The following ERCC6L2 variants were observed in gnomAD, a reference collection of about 807,000 sequenced individuals.
ERCC6L2 encodes ERCC excision repair 6 like 2.
A neutral mutation model predicts 132.0 loss-of-function variants in ERCC6L2; 77 were observed. The ratio of observed to expected loss-of-function variants is 0.58; its 90% CI spans 0.49 to 0.71. ERCC6L2 has a LOEUF of 0.71. Among genes scored for constraint, ERCC6L2 ranks in the 30% least tolerant of loss-of-function variants. The pLI is 0.00. For synonymous variants in ERCC6L2, 583 were observed against 632.4 expected (o/e 0.92, Z 1.17); for missense variants, 1,542 against 1,837.6 (o/e 0.84, Z 2.94).
chr9:95,988,954 G>A (rs894207178), intron 17 of ERCC6L2, among the ~76,000 whole-genome samples: 1 of 152,168 alleles, frequency 6.6e-6, no homozygotes, highest in African/African-American at 2.4e-5. Flanking sequence ...CCTGGGGCTT[G>A]TTTAATTTGC....
intron 4 of ERCC6L2, among the ~76,000 whole-genome samples, chr9:95,912,536 AT>A (rs1171269081): frequency 1.3e-5 from 2 of 152,194 alleles, no homozygotes; most frequent in Non-Finnish European, 2.9e-5. Flanking sequence ...ATCCCTAAGT[AT>A]TTTAGCATGG....
intron 12 of ERCC6L2, among the ~76,000 whole-genome samples, chr9:95,949,614 G>A (rs372953060): frequency 5.3e-5 from 8 of 152,128 alleles, no homozygotes; most frequent in East Asian, 3.8e-4. Flanking sequence ...AGTGTTTACC[G>A]AGAATTTTAT....
At chr9:95,930,653 C>T (rs1229144192) in intron 11 of ERCC6L2, among the ~76,000 whole-genome samples, 1 of 152,120 alleles carries the variant, frequency 6.6e-6, no homozygotes, top group Non-Finnish European at 1.5e-5. Context: ...CTATAAACTA[C>T]TTTTGTAACT....
intron 17 of ERCC6L2, among the ~76,000 whole-genome samples, chr9:95,999,470 G>A (rs1464485644): frequency 2.0e-5 from 3 of 152,176 alleles, no homozygotes; most frequent in Non-Finnish European, 2.9e-5. Flanking sequence ...GGTTGCAAAA[G>A]CTGAATTTTC....
intron 3 of ERCC6L2, among the ~76,000 whole-genome samples, chr9:95,898,364 C>T (rs971901777): frequency 4.6e-5 from 7 of 152,010 alleles, no homozygotes; most frequent in African/African-American, 1.7e-4. Context: ...ATATTGGTAA[C>T]AAAAGTGCGT....
Position 95,916,336 on chromosome 9 carries a change from C to T in ERCC6L2, c.1060C>T (p.Arg354Ter), listed in dbSNP as rs748275173. The change falls in exon 6 of 19, where the codon CGA (arginine) becomes TGA (stop). Residue 354 changes from arginine (R) to a stop codon, truncating the protein, a stop_gained. Coordinates refer to ENST00000653738, the MANE Select transcript of ERCC6L2 (RefSeq NM_020207.7). LOFTEE classifies it high-confidence loss of function. ...AACAAAGAGAGAACTAGCCACTGGCCGAAAGGCCATGCAAAGACTTGCCAA... is the reference window on the plus strand; with the variant it reads ...AACAAAGAGAGAACTAGCCACTGGCTGAAAGGCCATGCAAAGACTTGCCAA... ...TATKRELATG[R>*]KAMQRLAKKM... is the part of the protein sequence containing the mutation. 6 of 1,613,624 alleles carry T rather than the reference C, an allele frequency of 3.7e-6. No individual in the cohort carries two copies. Among genetic ancestry groups the T allele is most frequent in the Admixed American group, 3.3e-5 (2 of 59,910 alleles).
intron 19 of ERCC6L2, among the ~76,000 whole-genome samples, chr9:96,035,275 G>C (rs1194835231): frequency 6.6e-6 from 1 of 152,176 alleles, no homozygotes; most frequent in Non-Finnish European, 1.5e-5. Context: ...GGGAATGCCT[G>C]AAGGCTAGGG....
chr9:95,908,519 G>A (rs888354163), intron 4 of ERCC6L2, among the ~76,000 whole-genome samples: 3 of 152,190 alleles, frequency 2.0e-5, no homozygotes, highest in African/African-American at 7.2e-5. Context: ...GCCATCCAGT[G>A]TGTGGTATTT....
chr9:95,954,780 C>T (rs1256541155), intron 12 of ERCC6L2: 2 of 471,006 alleles, frequency 4.2e-6, no homozygotes, highest in Admixed American at 4.7e-5. Flanking sequence ...CTCCTCTGCT[C>T]CTGGGTTGCA....
chr9:96,002,608 A>G (rs1031368299), intron 17 of ERCC6L2, among the ~76,000 whole-genome samples: 35 of 151,728 alleles, frequency 2.3e-4, no homozygotes, highest in Admixed American at 1.8e-3. Context: ...TTTTTTTTGT[A>G]GAGAAAAGGT....
chr9:95,968,226 A>G (rs150953610), intron 14 of ERCC6L2: 144 of 152,340 alleles, frequency 9.5e-4, no homozygotes, highest in African/African-American at 3.4e-3. Context: ...TATTAATGAC[A>G]GGACCATCCA....
At position 96,034,046 on chromosome 9, in the gene ERCC6L2, G is replaced by A. The variant is rs564731387; in HGVS notation, c.*1504-4830G>A. ...GAGCCCCGCTGCTCTCCGGTCACTG[G>A]GAAACCCATCAGAAACCTGGCCATT... On this transcript the variant is annotated intron_variant and NMD_transcript_variant, in intron 19 of 20. Coordinates refer to the ERCC6L2 transcript ENST00000670016. Among the ~76,000 whole-genome samples, 18 of 152,340 alleles carry A rather than the reference G, an allele frequency of 1.2e-4. No individual in the cohort carries two copies. In the South Asian group the frequency reaches 3.7e-3, roughly 32 times the overall value.
chr9:95,901,387 T>C (rs150759132), intron 3 of ERCC6L2, among the ~76,000 whole-genome samples: 1 of 152,294 alleles, frequency 6.6e-6, no homozygotes, highest in Non-Finnish European at 1.5e-5. Context: ...AGAAAATATA[T>C]ATACAGTGCT....
chr9:96,014,844 G>A lies in ERCC6L2; in HGVS notation c.*1641G>A, dbSNP rs1345789574. On this transcript the variant is annotated 3_prime_UTR_variant, in exon 19 of 19. Transcript: ENST00000653738. ...GCATGATATGGTCCTTGATAGACTT[G>A]ACTTGTAGATGTTTTCAGCCTACAA... Among the ~76,000 whole-genome samples, 1 of 152,084 alleles carries A rather than the reference G, an allele frequency of 6.6e-6. No homozygotes were observed. The highest frequency in any genetic ancestry group is 1.5e-5 in the Non-Finnish European group (1 of 68,024).
intron 17 of ERCC6L2, among the ~76,000 whole-genome samples, chr9:95,993,764 T>C (rs930060759): frequency 6.6e-6 from 1 of 152,206 alleles, no homozygotes; most frequent in Non-Finnish European, 1.5e-5. Flanking sequence ...AAAAAGAGTT[T>C]AGCTGGATAA....
intron 2 of ERCC6L2, among the ~76,000 whole-genome samples, chr9:95,897,533 C>A (rs74646218): frequency 0.03 from 4,606 of 151,996 alleles, 94 homozygotes; most frequent in East Asian, 0.13. Flanking sequence ...ATAGAGGATA[C>A]GAAGAGATAG....
downstream of ERCC6L2, chr9:96,021,429 G>A (rs1834287394): frequency 1.7e-5 from 4 of 234,574 alleles, no homozygotes; most frequent in South Asian, 2.1e-4. This position sits in a 1 kb window ranked among gnomAD's most constrained non-coding sequence, Gnocchi z 4.7. Flanking sequence ...TGCTTCCCGC[G>A]GGGAGAGAAG....
At chr9:95,880,565 A>G (rs1827535836) in intron 1 of ERCC6L2, among the ~76,000 whole-genome samples, 1 of 152,198 alleles carries the variant, frequency 6.6e-6, no homozygotes, top group African/African-American at 2.4e-5. Flanking sequence ...ACCCCTATCC[A>G]CTGAATAAGA....
rs565658130 is a variant in ERCC6L2 at position 95,980,922 on chromosome 9, G to A, written c.3492+2707G>A. 3.3e-5 allele frequency among the ~76,000 whole-genome samples: 5 copies of A among 152,130 alleles called. No homozygotes were observed. In the South Asian group the frequency reaches 6.2e-4, roughly 19 times the overall value. On this transcript the variant is annotated intron_variant, in intron 17 of 18. Coordinates refer to ENST00000653738, the MANE Select transcript of ERCC6L2 (RefSeq NM_020207.7). ...CTGGGGCTCAATCTAGAATCTTTTCGGTTCCTGGTAATTCCTCTGAGTGCT... is the reference window on the plus strand; with the variant it reads ...CTGGGGCTCAATCTAGAATCTTTTCAGTTCCTGGTAATTCCTCTGAGTGCT...
Sources: gnomAD v4.1 joint callset for allele counts (sites outside exome capture counted in the v4.1 genomes callset) on GRCh38, gnomAD v4.1.1 for gene constraint, Gnocchi (gnomAD v3.1) non-coding constraint, MANE v1.5 for transcripts, NCBI Gene and HGNC (gene_info 2026-07-23, HGNC 2026-07-21) for gene names.